The following RGMA variants were observed in gnomAD, a reference collection of about 807,000 sequenced individuals.
RGMA encodes the protein repulsive guidance molecule A.
Under a neutral mutation model 23.2 loss-of-function variants are expected in RGMA, and 10 were observed. The ratio of observed to expected loss-of-function variants is 0.43; its 90% CI spans 0.27 to 0.73. RGMA has a LOEUF of 0.73. RGMA is among the 30% of genes least tolerant of loss of function. The probability of loss-of-function intolerance (pLI) is 0.20; values close to 1 mark genes in which losing one functional copy is unlikely to be tolerated. For synonymous variants in RGMA, 308 were observed against 279.3 expected (o/e 1.10, Z -1.03); for missense variants, 547 against 630.5 (o/e 0.87, Z 1.42).
At chr15:93,067,916 G>A (rs1248082162) in intron 2 of RGMA, among the ~76,000 whole-genome samples, 4 of 152,150 alleles carry the variant, frequency 2.6e-5, no homozygotes, top group African/African-American at 7.2e-5. Flanking sequence ...TGGCAGCAAG[G>A]TGACAGAGGG....
intron 2 of RGMA, among the ~76,000 whole-genome samples, chr15:93,057,228 G>A (rs1446661306): frequency 2.6e-5 from 4 of 152,164 alleles, no homozygotes; most frequent in East Asian, 1.9e-4. Context: ...CCTCACTCAC[G>A]CCCAGGGAGA....
Position 93,072,898 on chromosome 15 carries a change from C to T in RGMA, c.130+18G>A. 1 of 1,590,312 alleles carries T rather than the reference C, an allele frequency of 6.3e-7. No homozygotes were observed. The highest frequency in any genetic ancestry group is 8.6e-7 in the Non-Finnish European group (1 of 1,168,956). ...GCCCAGGGACCCGGCCCCGCGCGCC[C>T]GGCCGGCAGTGCCTTACCTGCGGGG... On this transcript the variant is annotated intron_variant, in intron 2 of 3. Transcript: ENST00000329082.
intron 2 of RGMA, among the ~76,000 whole-genome samples, chr15:93,063,265 C>T (rs7170601): frequency 0.14 from 21,070 of 152,254 alleles, 2,209 homozygotes; most frequent in African/African-American, 0.29. Context: ...GAGATGCCCT[C>T]CTTAGCCACA....
chr15:93,056,623 T>G (rs2055019149), intron 2 of RGMA, among the ~76,000 whole-genome samples: 1 of 152,144 alleles, frequency 6.6e-6, no homozygotes, highest in African/African-American at 2.4e-5. Context: ...TTCAGGACCC[T>G]GGTGGTGAGG....
intron 2 of RGMA, chr15:93,066,351 C>A: frequency 1.3e-6 from 1 of 749,820 alleles, no homozygotes; most frequent in African/African-American, 1.7e-5. Context: ...GCCCAGGACT[C>A]GGAGTGCCAG....
chr15:93,045,079 C>A lies in RGMA; in HGVS notation c.1272G>T (p.Ala424=), dbSNP rs62021480. The part of the protein sequence containing the change: ...YERTRDLPGR[A]AAGLPLAPRP... ...GGGGGGCCAGGGGCAGCCCCGCAGC[C>A]GCCCTGCCTGGCAGGTCCCGAGTCC... The change falls in exon 4 of 4, where the codon GCG becomes GCT. Residue 424 remains alanine (A), a synonymous_variant. Coordinates refer to ENST00000329082, the MANE Select transcript of RGMA (RefSeq NM_020211.3). The surrounding 1 kb of genome is among the most constrained non-coding windows in gnomAD (Gnocchi z 6.9). 1.9e-6 allele frequency: 3 copies of A among 1,574,274 alleles called. No individual in the cohort carries two copies. Among genetic ancestry groups the A allele is most frequent in the African/African-American group, 2.7e-5 (2 of 73,994 alleles).
Position 93,045,310 on chromosome 15 carries a change from A to G in RGMA, c.1041T>C (p.Pro347=). 6.2e-7 allele frequency: 1 copy of G among 1,612,144 alleles called. No homozygotes were observed. Among genetic ancestry groups the G allele is most frequent in the Admixed American group, 1.7e-5 (1 of 59,964 alleles). ...TGARRLAAAS[P]APTAPETFPY... ...GGAAGGTCTCGGGGGCTGTGGGTGC[A>G]GGGCTGGCGGCTGCCAGCCTGCGGG... Residue 347 remains proline (P), a synonymous_variant, in exon 4 of 4, where the codon CCT becomes CCC. Transcript: ENST00000329082. This position sits in a 1 kb window ranked among gnomAD's most constrained non-coding sequence, Gnocchi z 6.9.
chr15:93,082,815 C>A (rs1316886966), intron 1 of RGMA, among the ~76,000 whole-genome samples: 2 of 152,192 alleles, frequency 1.3e-5, no homozygotes, highest in African/African-American at 2.4e-5. Flanking sequence ...CTGTAGATCA[C>A]GTATTCATAG....
At chr15:93,049,883 G>A (rs2054889825) in intron 3 of RGMA, among the ~76,000 whole-genome samples, 1 of 152,202 alleles carries the variant, frequency 6.6e-6, no homozygotes, top group South Asian at 2.1e-4. Flanking sequence ...GGCCCAGAGG[G>A]CTCTGTTGGT....
intron 2 of RGMA, among the ~76,000 whole-genome samples, chr15:93,057,897 T>C (rs141594126): frequency 4.1e-4 from 63 of 152,330 alleles, no homozygotes; most frequent in African/African-American, 1.5e-3. Context: ...GGGAGACCTC[T>C]GTACCCCACA....
chr15:93,053,339 T>C (rs569729742), intron 2 of RGMA, among the ~76,000 whole-genome samples: 51 of 152,184 alleles, frequency 3.4e-4, no homozygotes, highest in Non-Finnish European at 6.2e-4. Context: ...GCACAGCCCA[T>C]AGTGACCACA....
Position 93,040,957 on chromosome 15 carries a change from C to G in RGMA, c.*4041G>C, listed in dbSNP as rs2054716258. 6.6e-6 allele frequency: 1 copy of G among 152,086 alleles called. No homozygotes were observed. The highest frequency in any genetic ancestry group is 1.5e-5 in the Non-Finnish European group (1 of 68,036). The allele number at this position is 152,086 out of a possible 1,614,324, so 9.4% of individuals were successfully genotyped here. A position where few individuals can be genotyped will look rare whatever the true frequency, so the allele number is the denominator to read the frequency against. ...CATTTTACAAATAAGGAATCTAAGGCTCAAAAAATCCCAAGGAGACCACAC... is the reference window on the plus strand; with the variant it reads ...CATTTTACAAATAAGGAATCTAAGGGTCAAAAAATCCCAAGGAGACCACAC... On this transcript the variant is annotated 3_prime_UTR_variant, in exon 4 of 4. Transcript: ENST00000329082.
chr15:93,045,528 T>C lies in RGMA; in HGVS notation c.823A>G (p.Lys275Glu), dbSNP rs756479859. The change falls in exon 4 of 4, where the codon AAG becomes GAG. Residue 275 changes from lysine (K) to glutamate (E), a missense_variant. Transcript: ENST00000329082. The surrounding 1 kb of genome is among the most constrained non-coding windows in gnomAD (Gnocchi z 6.9). Reference sequence around the variant, plus strand: ...ACCACGATGGTGGTGCCGATGTACTTGGCCTGGATCTCCACGTGCTGGCCT... The same window carrying C: ...ACCACGATGGTGGTGCCGATGTACTCGGCCTGGATCTCCACGTGCTGGCCT... ...VSGQHVEIQA[K>E]YIGTTIVVRQ... The C allele has an allele frequency of 5.0e-6, 8 of 1,613,302 alleles. No individual in the cohort carries two copies. The highest frequency in any genetic ancestry group is 1.6e-4 in the Middle Eastern group (1 of 6,062).
intron 2 of RGMA, among the ~76,000 whole-genome samples, chr15:93,069,197 C>T (rs1221924912): frequency 6.6e-6 from 1 of 152,216 alleles, no homozygotes; most frequent in Non-Finnish European, 1.5e-5. Context: ...GCAACCTCCA[C>T]CTCCCGGGTT....
At position 93,074,011 on chromosome 15, in the gene RGMA, T is replaced by C. The variant is rs796254096; in HGVS notation, c.15-980A>G. ...GGTGACCTTTCCTAACTCTGTCGCT[T>C]ATTTTTCTGGGAAAGAAACATCTCC... On this transcript the variant is annotated intron_variant, in intron 1 of 3. Transcript: ENST00000329082. The C allele has an allele frequency of 1.0e-5, 14 of 1,380,088 alleles. No homozygotes were observed. In the African/African-American group the frequency reaches 2.1e-4, roughly 20 times the overall value. The allele number at this position is 1,380,088 out of a possible 1,614,324, so 85.5% of individuals were successfully genotyped here.
At chr15:93,080,877 C>T (rs1000040970) in intron 1 of RGMA, among the ~76,000 whole-genome samples, 8 of 152,302 alleles carry the variant, frequency 5.3e-5, no homozygotes, top group Middle Eastern at 3.4e-3. Flanking sequence ...GGTATAACTA[C>T]ACTTTCTTAA....
chr15:93,073,714 C>A, intron 1 of RGMA: 1 of 1,537,242 alleles, frequency 6.5e-7, no homozygotes, highest in East Asian at 2.4e-5. Context: ...CAGCTACTAA[C>A]GCACCTCGAG....
chr15:93,056,697 C>A (rs929379227), intron 2 of RGMA, among the ~76,000 whole-genome samples: 5 of 152,188 alleles, frequency 3.3e-5, no homozygotes, highest in African/African-American at 1.2e-4. Context: ...GGGCTGAGGG[C>A]CAGCACAGGC....
In RGMA at chr15:93,052,284, A is replaced by G. The variant is rs2054937233; in HGVS notation, c.354T>C (p.Asp118=). 2 of 1,602,478 alleles carry G rather than the reference A, an allele frequency of 1.2e-6. No homozygotes were observed. Among genetic ancestry groups the G allele is most frequent in the East Asian group, 2.2e-5 (1 of 44,648 alleles). ...DLMSQHNCSK[D]GPTSQPRLRT... ...GCAGGCGTGGCTGCGAGGTGGGGCC[A>G]TCCTTGGAGCAGTTGTGCTGGCTCA... The change falls in exon 3 of 4, where the codon GAT becomes GAC. Residue 118 remains aspartate (D), a synonymous_variant. Transcript: ENST00000329082.
Sources: gnomAD v4.1 joint callset for allele counts (sites outside exome capture counted in the v4.1 genomes callset) on GRCh38, gnomAD v4.1.1 for gene constraint, Gnocchi (gnomAD v3.1) non-coding constraint, MANE v1.5 for transcripts, NCBI Gene and HGNC (gene_info 2026-07-23, HGNC 2026-07-21) for gene names.